TRPM3: variants seen among roughly 807,000 people sequenced by gnomAD.
TRPM3 encodes transient receptor potential cation channel subfamily M member 3.
TRPM3 carries 77 observed loss-of-function variants against 181.2 expected under a neutral mutation model. That is an observed-to-expected ratio of 0.42 (90% CI 0.35 to 0.51). The LOEUF is 0.51. Among genes scored for constraint, TRPM3 ranks in the 20% least tolerant of loss-of-function variants. The pLI, the probability that TRPM3 is intolerant of heterozygous loss-of-function variation, is 0.01. For synonymous variants in TRPM3, 745 were observed against 796.4 expected, an observed-to-expected ratio of 0.94 and a Z score of 1.09; for missense variants, 1,759 against 2,196.7, an observed-to-expected ratio of 0.80 and a Z score of 3.98.
At chr9:70,839,218 A>G (rs957080802) in intron 5 of TRPM3, among the ~76,000 whole-genome samples, 12 of 152,144 alleles carry the variant, frequency 7.9e-5, no homozygotes, top group Admixed American at 7.9e-4. Flanking sequence ...ATCATGCCCA[A>G]TCCATCTTCA....
At chr9:71,257,875 C>A (rs2082771684) in intron 1 of TRPM3, among the ~76,000 whole-genome samples, 1 of 152,142 alleles carries the variant, frequency 6.6e-6, no homozygotes, top group Non-Finnish European at 1.5e-5. Context: ...AGTCTAATTT[C>A]TTCACATTCT....
At chr9:71,138,225 TCA>T (rs1192386500) in intron 1 of TRPM3, among the ~76,000 whole-genome samples, 1 of 152,134 alleles carries the variant, frequency 6.6e-6, no homozygotes, top group Non-Finnish European at 1.5e-5. Flanking sequence ...TTTCTCAAAC[TCA>T]CACACTGGGG....
intron 18 of TRPM3, among the ~76,000 whole-genome samples, chr9:70,611,060 G>A (rs1589287524): frequency 6.6e-6 from 1 of 152,144 alleles, no homozygotes; most frequent in African/African-American, 2.4e-5. Context: ...TGTAGCCTGG[G>A]AAGGCCAGGC....
intron 1 of TRPM3, among the ~76,000 whole-genome samples, chr9:70,995,368 T>C (rs1314828183): frequency 6.6e-6 from 1 of 152,222 alleles, no homozygotes; most frequent in Non-Finnish European, 1.5e-5. Context: ...ACAGATGGAT[T>C]ACTTACTGCT....
rs1398031517 is a variant in TRPM3 at position 71,351,870 on chromosome 9, G to GTTTTTTTTTTTTTTTTTT, written c.183+94782_183+94783insAAAAAAAAAAAAAAAAAA. 2.8e-4 allele frequency among the ~76,000 whole-genome samples: 27 copies of GTTTTTTTTTTTTTTTTTT among 95,660 alleles called. 5 individuals are homozygous for GTTTTTTTTTTTTTTTTTT. The highest frequency in any genetic ancestry group is 4.0e-4 in the South Asian group (1 of 2,498). The allele number at this position is 95,660 out of a possible 152,430, so 62.8% of individuals were successfully genotyped here. A position where few individuals can be genotyped will look rare whatever the true frequency, so the allele number is the denominator to read the frequency against. On this transcript the variant is annotated intron_variant, in intron 1 of 24. Transcript: ENST00000357533. ...ATGGGAAGTTTTTGTTTGTTTGTTT[G>GTTTTTTTTTTTTTTTTTT]TTTTTGTTTTTTTTTTTTTTTTTGA...
intron 1 of TRPM3, among the ~76,000 whole-genome samples, chr9:70,876,430 C>T (rs140923878): frequency 0.01 from 1,529 of 150,934 alleles, 14 homozygotes; most frequent in Non-Finnish European, 0.016. Context: ...TATATGTACC[C>T]CAAGTCACTA....
At chr9:71,202,961 A>G (rs1485681696) in intron 1 of TRPM3, among the ~76,000 whole-genome samples, 1 of 152,182 alleles carries the variant, frequency 6.6e-6, no homozygotes, top group Non-Finnish European at 1.5e-5. Context: ...TTCTTTTTGC[A>G]AAAGAGAAGT....
intron 1 of TRPM3, among the ~76,000 whole-genome samples, chr9:71,160,753 C>T (rs1305216617): frequency 6.6e-6 from 1 of 152,092 alleles, no homozygotes; most frequent in African/African-American, 2.4e-5. Context: ...GTCTCTTTCT[C>T]GAGCTATCCA....
chr9:71,120,570 T>A (rs2073407441), intron 1 of TRPM3, among the ~76,000 whole-genome samples: 1 of 152,206 alleles, frequency 6.6e-6, no homozygotes, highest in Non-Finnish European at 1.5e-5. Context: ...TGTTTAACAA[T>A]ACTTTCCCAC....
At chr9:71,358,160 T>G (rs1203553947) in intron 1 of TRPM3, among the ~76,000 whole-genome samples, 1 of 152,216 alleles carries the variant, frequency 6.6e-6, no homozygotes, top group Admixed American at 6.5e-5. Flanking sequence ...CAGATTTTAC[T>G]TTTGGCAAAA....
At chr9:71,426,391 T>A (rs1443621064) in intron 1 of TRPM3, among the ~76,000 whole-genome samples, 1 of 151,870 alleles carries the variant, frequency 6.6e-6, no homozygotes, top group African/African-American at 2.4e-5. Flanking sequence ...TTTTTCTCAA[T>A]AAATTTTCAA....
intron 1 of TRPM3, among the ~76,000 whole-genome samples, chr9:71,140,861 G>A (rs2075059669): frequency 6.6e-6 from 1 of 152,156 alleles, no homozygotes; most frequent in African/African-American, 2.4e-5. Context: ...AAGGTACGAT[G>A]TTAGCAGAGA....
At chr9:71,294,902 G>A (rs1206079781) in intron 1 of TRPM3, among the ~76,000 whole-genome samples, 1 of 151,944 alleles carries the variant, frequency 6.6e-6, no homozygotes, top group East Asian at 1.9e-4. Flanking sequence ...TATATGAAAT[G>A]GACAAAAACA....
chr9:70,851,269 A>G (rs2095219085), intron 3 of TRPM3, among the ~76,000 whole-genome samples: 1 of 152,270 alleles, frequency 6.6e-6, no homozygotes, highest in Non-Finnish European at 1.5e-5. Context: ...ATCCAGAGCC[A>G]TAGTTAGTAC....
intron 1 of TRPM3, among the ~76,000 whole-genome samples, chr9:71,290,911 G>GA (rs1199658718): frequency 2.0e-5 from 3 of 151,516 alleles, no homozygotes; most frequent in Non-Finnish European, 2.9e-5. Context: ...AAAAGGCAAG[G>GA]AAAAAAGAAA....
At chr9:71,203,170 C>G (rs1032178486) in intron 1 of TRPM3, among the ~76,000 whole-genome samples, 1 of 152,108 alleles carries the variant, frequency 6.6e-6, no homozygotes, top group Non-Finnish European at 1.5e-5. Flanking sequence ...AGATCTAGTT[C>G]CAGAAAAACA....
At chr9:70,793,838 T>C (rs759344089) in intron 6 of TRPM3, 12 of 330,026 alleles carry the variant, frequency 3.6e-5, no homozygotes, top group Non-Finnish European at 7.4e-5. Flanking sequence ...TCTTTCATTT[T>C]CAATAAATTA....
chr9:70,876,429 C>T (rs1335878666), intron 1 of TRPM3, among the ~76,000 whole-genome samples: 1 of 150,674 alleles, frequency 6.6e-6, no homozygotes, highest in Non-Finnish European at 1.5e-5. Flanking sequence ...TTATATGTAC[C>T]CCAAGTCACT....
intron 1 of TRPM3, among the ~76,000 whole-genome samples, chr9:70,896,628 C>T (rs1319063758): frequency 1.3e-5 from 2 of 152,060 alleles, no homozygotes; most frequent in Non-Finnish European, 2.9e-5. Flanking sequence ...CTTTCAATAA[C>T]AAAAGAAACA....
Sources: allele counts gnomAD v4.1 joint callset (sites outside exome capture counted in the v4.1 genomes callset), GRCh38; gene constraint gnomAD v4.1.1; transcripts MANE v1.5; gene names NCBI Gene and HGNC (gene_info 2026-07-23, HGNC 2026-07-21).